NARS2: variants seen among roughly 807,000 people sequenced by gnomAD.
NARS2 encodes asparaginyl-tRNA synthetase.
A neutral mutation model predicts 62.9 loss-of-function variants in NARS2; 60 were observed. The ratio of observed to expected loss-of-function variants is 0.95; its 90% CI spans 0.77 to 1.18. The LOEUF is 1.18. Ranked by LOEUF, NARS2 falls within the 50% of genes most tolerant of loss-of-function variation. The pLI is 0.00. For missense variants in NARS2, 619 were observed against 576.4 expected, an observed-to-expected ratio of 1.07 and a Z score of -0.76; for synonymous variants, 196 against 200.0, an observed-to-expected ratio of 0.98 and a Z score of 0.17.
At chr11:78,532,176 T>C (rs550220933) in intron 5 of NARS2, among the ~76,000 whole-genome samples, 1 of 152,252 alleles carries the variant, frequency 6.6e-6, no homozygotes, top group East Asian at 1.9e-4. Context: ...CAATACAATA[T>C]ATGAATTAAA....
chr11:78,501,117 A>G (rs2135355513), intron 6 of NARS2, among the ~76,000 whole-genome samples: 1 of 152,366 alleles, frequency 6.6e-6, no homozygotes, highest in African/African-American at 2.4e-5. Context: ...CACACAAAAC[A>G]AAAACAATGA....
In NARS2 at chr11:78,469,880, G is replaced by A. The variant is rs564622186; in HGVS notation, c.960-567C>T. ...GAATAAGAAGGCAGAGGGGGTTTGG[G>A]GTGCCATTTTAGATATGATGGTCAA... is the stretch of plus-strand genomic sequence containing the variant. On this transcript the variant is annotated intron_variant, in intron 9 of 13. Transcript: ENST00000281038. 1.5e-4 allele frequency among the ~76,000 whole-genome samples: 23 copies of A among 152,246 alleles called. No individual in the cohort carries two copies. The South Asian group carries it at 4.8e-3, about 32-fold the overall frequency.
intron 11 of NARS2, among the ~76,000 whole-genome samples, chr11:78,457,579 T>C (rs921988269): frequency 7.2e-5 from 11 of 152,214 alleles, no homozygotes; most frequent in Non-Finnish European, 1.2e-4. Context: ...AAATAAATTA[T>C]ATTTGAATAG....
At chr11:78,510,163 T>C (rs937042442) in intron 6 of NARS2, among the ~76,000 whole-genome samples, 6 of 152,068 alleles carry the variant, frequency 3.9e-5, no homozygotes, top group Non-Finnish European at 8.8e-5. Flanking sequence ...TGGATTAAAC[T>C]CTCCAGTCAA....
rs1315414181 is a variant in NARS2 at position 78,453,958 on chromosome 11, T to C, written c.1165-10200A>G. 2.0e-5 allele frequency among the ~76,000 whole-genome samples: 3 copies of C among 152,232 alleles called. No homozygotes were observed. In the South Asian group the frequency reaches 6.2e-4, roughly 32 times the overall value. ...GATACTACTAATGGCTTCAAAGGAA[T>C]GAAATTCTTACCTTGCTCCCAAACA... On this transcript the variant is annotated intron_variant, in intron 11 of 13. Transcript: ENST00000281038.
At chr11:78,457,779 CTTATG>C (rs1858220167) in intron 11 of NARS2, among the ~76,000 whole-genome samples, 1 of 149,132 alleles carries the variant, frequency 6.7e-6, no homozygotes, top group Admixed American at 6.7e-5. Flanking sequence ...TTTAAGGAAT[CTTATG>C]TTATTATGTA....
In NARS2 at chr11:78,548,770, G is replaced by A. The variant is rs147607716; in HGVS notation, c.594+10769C>T. The stretch of plus-strand genomic sequence containing the variant: ...GGGAGCTCCTCAGACCCATTCCTCA[G>A]TGAAATGCGTAAATGTTATTTAAAA... On this transcript the variant is annotated intron_variant, in intron 5 of 13. Coordinates refer to ENST00000281038, the MANE Select transcript of NARS2 (RefSeq NM_024678.6). Among the ~76,000 whole-genome samples the A allele has an allele frequency of 3.5e-4, 54 of 152,156 alleles. 1 individual carries two copies. The East Asian group carries it at 7.9e-3, about 22-fold the overall frequency.
At chr11:78,566,005 T>C in intron 4 of NARS2, 127 bp downstream of exon 4, 1 of 718,554 alleles carries the variant, frequency 1.4e-6, no homozygotes, top group Non-Finnish European at 2.2e-6. Flanking sequence ...TAACCCATAA[T>C]GAAGAGACCA....
intron 5 of NARS2, among the ~76,000 whole-genome samples, chr11:78,550,140 T>A (rs1391906646): frequency 6.6e-6 from 1 of 152,206 alleles, no homozygotes; most frequent in Non-Finnish European, 1.5e-5. Context: ...AACTGAGTTA[T>A]CTGGCATTCC....
intron 3 of NARS2, 21 bp downstream of exon 3, chr11:78,568,611 C>A (rs1269236228): frequency 2.5e-5 from 40 of 1,608,348 alleles, no homozygotes; most frequent in Non-Finnish European, 3.2e-5. Context: ...ACAGCCTCCA[C>A]AAAAGTGTCA....
chr11:78,500,654 T>C (rs1486493128), intron 6 of NARS2, among the ~76,000 whole-genome samples: 5 of 152,292 alleles, frequency 3.3e-5, no homozygotes, highest in African/African-American at 7.2e-5. Context: ...AAAATTTTTT[T>C]ATAGATGGGG....
intron 6 of NARS2, among the ~76,000 whole-genome samples, chr11:78,503,546 C>A (rs115030114): frequency 0.011 from 1,644 of 152,298 alleles, 35 homozygotes; most frequent in African/African-American, 0.039. Flanking sequence ...CCTGATCTAG[C>A]TCTTCTAATT....
At chr11:78,462,316 A>ATG (rs917471985) in intron 11 of NARS2, among the ~76,000 whole-genome samples, 13 of 152,204 alleles carry the variant, frequency 8.5e-5, no homozygotes, top group African/African-American at 2.9e-4. Flanking sequence ...CTAGGTCCTA[A>ATG]TGTCTCCTTT....
intron 6 of NARS2, among the ~76,000 whole-genome samples, chr11:78,526,891 G>A (rs1337483470): frequency 6.6e-6 from 1 of 152,092 alleles, no homozygotes; most frequent in Non-Finnish European, 1.5e-5. Context: ...TTGAATATAA[G>A]GCCAAAAGCT....
intron 6 of NARS2, among the ~76,000 whole-genome samples, chr11:78,505,015 T>C (rs1860433299): frequency 6.6e-6 from 1 of 151,578 alleles, no homozygotes; most frequent in African/African-American, 2.4e-5. Context: ...GTGGTTTCTA[T>C]AATTCATGCA....
At chr11:78,463,761 G>A (rs1326339520) in intron 11 of NARS2, among the ~76,000 whole-genome samples, 2 of 140,722 alleles carry the variant, frequency 1.4e-5, no homozygotes, top group Non-Finnish European at 3.1e-5. Flanking sequence ...AACGGTAAAG[G>A]GATGAGAGAG....
intron 1 of NARS2, among the ~76,000 whole-genome samples, chr11:78,574,010 G>A (rs930799399): frequency 2.0e-5 from 3 of 152,214 alleles, no homozygotes; most frequent in African/African-American, 7.2e-5. Flanking sequence ...TGCTCTCAAG[G>A]AGGGAGGTCA....
intron 5 of NARS2, among the ~76,000 whole-genome samples, chr11:78,539,025 A>T (rs1855506583): frequency 7.6e-6 from 1 of 131,006 alleles, no homozygotes; most frequent in South Asian, 2.5e-4. Flanking sequence ...AAAAAAAAAA[A>T]AGATGAGGTT....
chr11:78,490,385 C>T (rs1196436183), intron 7 of NARS2, among the ~76,000 whole-genome samples: 3 of 152,200 alleles, frequency 2.0e-5, no homozygotes. Flanking sequence ...CAAGGCAATG[C>T]TCTGAATAAA....
Sources: gnomAD v4.1 joint callset for allele counts (sites outside exome capture counted in the v4.1 genomes callset) on GRCh38, gnomAD v4.1.1 for gene constraint, MANE v1.5 for transcripts, NCBI Gene and HGNC (gene_info 2026-07-23, HGNC 2026-07-21) for gene names.